The following FGGY variants were observed in gnomAD, a reference collection of about 807,000 sequenced individuals.
The protein encoded by FGGY is FGGY carbohydrate kinase domain-containing protein.
In FGGY, 72 loss-of-function variants were observed where a neutral mutation model predicts 71.3. The observed-to-expected ratio is 1.01, with a 90% CI of 0.84 to 1.23. FGGY has a LOEUF of 1.23. FGGY is among the 50% of genes most tolerant of loss of function. The probability of loss-of-function intolerance (pLI) is 0.00; values close to 1 mark genes in which losing one functional copy is unlikely to be tolerated. For synonymous variants in FGGY, 251 were observed against 250.3 expected, an observed-to-expected ratio of 1.00 and a Z score of -0.02; for missense variants, 668 against 682.3, an observed-to-expected ratio of 0.98 and a Z score of 0.23.
chr1:59,747,560 A>G (rs981464617), intron 14 of FGGY, among the ~76,000 whole-genome samples: 5 of 152,180 alleles, frequency 3.3e-5, no homozygotes, highest in Non-Finnish European at 5.9e-5. Context: ...GCACAAAACC[A>G]ACAGATTGCA....
intron 7 of FGGY, 99 bp downstream of exon 7, chr1:59,512,538 G>C: frequency 7.7e-7 from 1 of 1,293,164 alleles, no homozygotes; most frequent in Non-Finnish European, 1.0e-6. Context: ...CAAAGGTCAA[G>C]GACTTTGGTG....
chr1:59,359,906 GGC>G (rs1375366889), intron 4 of FGGY, among the ~76,000 whole-genome samples: 2 of 152,022 alleles, frequency 1.3e-5, no homozygotes, highest in African/African-American at 4.8e-5. Flanking sequence ...CTGCCTAAGT[GGC>G]TCTATCCTAC....
At position 59,321,485 on chromosome 1, in the gene FGGY, CTT is replaced by C. The variant is rs1312577680; in HGVS notation, c.-14-49_-14-48del. 2.0e-6 allele frequency: 3 copies of C among 1,519,122 alleles called. No homozygotes were observed. In the African/African-American group the frequency reaches 4.1e-5, roughly 21 times the overall value. The allele number at this position is 1,519,122 out of a possible 1,614,324, so 94.1% of individuals were successfully genotyped here. Reference sequence around the variant, plus strand: ...TACTTTTGAGATGTTTTGTGACTGTCTTTGCAGATCCACTTGGTCTTCATATG... The same window carrying C: ...TACTTTTGAGATGTTTTGTGACTGTCTGCAGATCCACTTGGTCTTCATATG... On this transcript the variant is annotated intron_variant, in intron 1 of 15. Coordinates refer to ENST00000303721, the MANE Select transcript of FGGY (RefSeq NM_018291.5).
intron 4 of FGGY, among the ~76,000 whole-genome samples, chr1:59,369,748 C>T (rs1025097447): frequency 2.6e-5 from 4 of 152,156 alleles, no homozygotes; most frequent in South Asian, 2.1e-4. Context: ...GCAGCATTCA[C>T]GGTTCACGAA....
At chr1:59,587,470 C>G in intron 8 of FGGY, among the ~76,000 whole-genome samples, 1 of 152,158 alleles carries the variant, frequency 6.6e-6, no homozygotes, top group Non-Finnish European at 1.5e-5. Context: ...AACTGGAGAT[C>G]TGAGAACGGG....
rs553932922 is a variant in FGGY, at chr1:59,322,153, G to A, written c.201+403G>A. Among the ~76,000 whole-genome samples the A allele has an allele frequency of 3.3e-5, 5 of 152,190 alleles. No homozygotes were observed. The South Asian group carries it at 1.0e-3, about 32-fold the overall frequency. ...CACATGACCCTATAAAGGTAATACT[G>A]TCACTACCCCTATTTTATTGAGGGA... On this transcript the variant is annotated intron_variant, in intron 2 of 15. Transcript: ENST00000303721.
chr1:59,418,403 G>A (rs1456342196), intron 5 of FGGY, among the ~76,000 whole-genome samples: 3 of 152,100 alleles, frequency 2.0e-5, no homozygotes, highest in African/African-American at 7.2e-5. Flanking sequence ...CACAAGTTAC[G>A]TTAGGATCTG....
intron 12 of FGGY, among the ~76,000 whole-genome samples, chr1:59,664,957 T>C (rs2097310438): frequency 6.6e-6 from 1 of 151,670 alleles, no homozygotes; most frequent in Non-Finnish European, 1.5e-5. Flanking sequence ...AAAATGGCAA[T>C]TGAGTTATAG....
intron 11 of FGGY, among the ~76,000 whole-genome samples, chr1:59,657,045 G>A (rs770201814): frequency 6.6e-5 from 10 of 152,166 alleles, no homozygotes; most frequent in East Asian, 1.9e-4. Context: ...GGAAATTCTC[G>A]TGGATATCTG....
chr1:59,572,980 A>G (rs187289311), intron 8 of FGGY, among the ~76,000 whole-genome samples: 32 of 152,304 alleles, frequency 2.1e-4, no homozygotes, highest in African/African-American at 7.0e-4. Flanking sequence ...AGCCATGTGG[A>G]CACGATATTG....
At chr1:59,700,508 T>G (rs1301962600) in intron 14 of FGGY, among the ~76,000 whole-genome samples, 4 of 152,180 alleles carry the variant, frequency 2.6e-5, no homozygotes, top group Non-Finnish European at 5.9e-5. Context: ...TCGTGTGCAA[T>G]AAGAGTTTAT....
intron 14 of FGGY, chr1:59,699,480 A>AC (rs2097692267): frequency 2.4e-6 from 2 of 838,756 alleles, no homozygotes; most frequent in Non-Finnish European, 2.9e-6. Flanking sequence ...CTCAAAAACA[A>AC]CCCCTCTGCT....
In FGGY at chr1:59,381,278, C is replaced by T. The variant is rs375245875; in HGVS notation, c.554+2441C>T. Among the ~76,000 whole-genome samples, 24 of 152,246 alleles carry T rather than the reference C, an allele frequency of 1.6e-4. No homozygotes were observed. The South Asian group carries it at 2.9e-3, about 18-fold the overall frequency. On this transcript the variant is annotated intron_variant, in intron 5 of 15. Transcript: ENST00000303721. Reference sequence around the variant, plus strand: ...TAGGATTGTCTTGGCAATGTGGGCTCGTTTTCGGTTCCATGTGAACTTTAA... The same window carrying T: ...TAGGATTGTCTTGGCAATGTGGGCTTGTTTTCGGTTCCATGTGAACTTTAA...
chr1:59,725,530 AT>A (rs2097936012), intron 14 of FGGY, among the ~76,000 whole-genome samples: 1 of 152,018 alleles, frequency 6.6e-6, no homozygotes, highest in Non-Finnish European at 1.5e-5. Context: ...AATTCAATTT[AT>A]TTATTTCATC....
At chr1:59,461,043 C>T (rs1030227457) in intron 6 of FGGY, among the ~76,000 whole-genome samples, 5 of 152,142 alleles carry the variant, frequency 3.3e-5, no homozygotes, top group African/African-American at 7.2e-5. Context: ...CTGCCAGCTA[C>T]GGAACAAAGC....
At chr1:59,388,619 A>G (rs1389248345) in intron 5 of FGGY, among the ~76,000 whole-genome samples, 1 of 152,136 alleles carries the variant, frequency 6.6e-6, no homozygotes, top group Non-Finnish European at 1.5e-5. Flanking sequence ...TCTCATTAGT[A>G]TATCTGAGAT....
At chr1:59,501,678 C>T (rs561050035) in intron 6 of FGGY, among the ~76,000 whole-genome samples, 3 of 152,276 alleles carry the variant, frequency 2.0e-5, no homozygotes, top group South Asian at 2.1e-4. Flanking sequence ...AAGAGAACAC[C>T]TTCTGCACTT....
At chr1:59,355,058 A>G (rs1221810734) in intron 4 of FGGY, among the ~76,000 whole-genome samples, 1 of 152,228 alleles carries the variant, frequency 6.6e-6, no homozygotes, top group East Asian at 1.9e-4. Context: ...CCTTGAGGCC[A>G]GGGGCAGGAG....
intron 14 of FGGY, among the ~76,000 whole-genome samples, chr1:59,738,848 A>G (rs1372767339): frequency 6.6e-6 from 1 of 152,224 alleles, no homozygotes; most frequent in East Asian, 1.9e-4. Context: ...TTAGGCCCCA[A>G]GGTCACACCA....
Sources: allele counts gnomAD v4.1 joint callset (sites outside exome capture counted in the v4.1 genomes callset), GRCh38; gene constraint gnomAD v4.1.1; transcripts MANE v1.5; gene names NCBI Gene and HGNC (gene_info 2026-07-23, HGNC 2026-07-21).